The following KATNA1 variants were observed in gnomAD, a reference collection of about 807,000 sequenced individuals.
KATNA1 encodes katanin catalytic subunit A1, also known as katanin p60 ATPase-containing subunit A1.
Under a neutral mutation model 62.6 loss-of-function variants are expected in KATNA1, and 42 were observed. The observed-to-expected ratio is 0.67, with a 90% CI of 0.52 to 0.87. The LOEUF is 0.87. Among genes scored for constraint, KATNA1 ranks in the 40% least tolerant of loss-of-function variants. The pLI, the probability that KATNA1 is intolerant of heterozygous loss-of-function variation, is 0.00. For synonymous variants in KATNA1, 186 were observed against 201.9 expected (o/e 0.92, Z 0.67); for missense variants, 498 against 612.5 (o/e 0.81, Z 1.97).
At chr6:149,636,706 T>G (rs926652305) in intron 2 of KATNA1, among the ~76,000 whole-genome samples, 5 of 151,780 alleles carry the variant, frequency 3.3e-5, no homozygotes, top group African/African-American at 1.2e-4. Context: ...AATGGTGCGA[T>G]CTCGGCTCAC....
At chr6:149,642,594 C>G (rs951822757) in intron 1 of KATNA1, among the ~76,000 whole-genome samples, 2 of 152,008 alleles carry the variant, frequency 1.3e-5, no homozygotes, top group African/African-American at 4.8e-5. Context: ...ATGTAGCAGA[C>G]AGAAGCAATG....
At chr6:149,643,081 C>T (rs919084032) in intron 1 of KATNA1, among the ~76,000 whole-genome samples, 1 of 152,202 alleles carries the variant, frequency 6.6e-6, no homozygotes, top group Non-Finnish European at 1.5e-5. Context: ...AAATGGAATA[C>T]CAGCTCCACA....
chr6:149,620,485 T>G (rs12193364), intron 4 of KATNA1, among the ~76,000 whole-genome samples: 68,867 of 151,706 alleles, frequency 0.45, 16,805 homozygotes, highest in East Asian at 0.81. Context: ...GTAGAGACAG[T>G]GTTTCACCAT....
In KATNA1 at chr6:149,623,058, CG is replaced by C; in HGVS notation, c.501+44del. The C allele has an allele frequency of 2.9e-6, 4 of 1,364,664 alleles. No individual in the cohort carries two copies. In the South Asian group the frequency reaches 5.6e-5, roughly 19 times the overall value. The allele number at this position is 1,364,664 out of a possible 1,614,324, so 84.5% of individuals were successfully genotyped here. A position where few individuals can be genotyped will look rare whatever the true frequency, so the allele number is the denominator to read the frequency against. On this transcript the variant is annotated intron_variant, in intron 4 of 10. Coordinates refer to ENST00000367411, the MANE Select transcript of KATNA1 (RefSeq NM_007044.4). ...TAAATTTGTACAGTCTTCATTTTTA[CG>C]GTTCAAAAATAACTTTCATTTATAA...
At chr6:149,627,172 C>A (rs1235929078) in intron 3 of KATNA1, among the ~76,000 whole-genome samples, 1 of 151,166 alleles carries the variant, frequency 6.6e-6, no homozygotes, top group Non-Finnish European at 1.5e-5. Context: ...GCAGGTGGAT[C>A]ATTTGAGGTC....
At chr6:149,627,615 G>A (rs114373721) in intron 3 of KATNA1, among the ~76,000 whole-genome samples, 1,575 of 151,460 alleles carry the variant, frequency 0.01, 47 homozygotes, top group African/African-American at 0.037. Context: ...CCCAGGAGGT[G>A]GAGGCTACAG....
At chr6:149,630,592 C>A (rs956532809) in intron 3 of KATNA1, among the ~76,000 whole-genome samples, 1 of 152,244 alleles carries the variant, frequency 6.6e-6, no homozygotes, top group East Asian at 1.9e-4. Flanking sequence ...AGCGCCACTG[C>A]ACTCCAGCCT....
intron 1 of KATNA1, among the ~76,000 whole-genome samples, chr6:149,646,166 A>G (rs1477174921): frequency 8.5e-5 from 13 of 152,178 alleles, no homozygotes; most frequent in African/African-American, 2.9e-4. Flanking sequence ...TGCACTGAAG[A>G]CAAAAATAAG....
intron 4 of KATNA1, among the ~76,000 whole-genome samples, chr6:149,606,308 TA>T (rs1778739481): frequency 6.6e-6 from 1 of 152,180 alleles, no homozygotes; most frequent in Non-Finnish European, 1.5e-5. Flanking sequence ...AGATGCTATA[TA>T]AAAATTACTA....
intron 4 of KATNA1, among the ~76,000 whole-genome samples, chr6:149,622,404 G>A (rs554638538): frequency 8.5e-5 from 13 of 152,138 alleles, no homozygotes; most frequent in Non-Finnish European, 1.5e-4. Flanking sequence ...GAAGGTTAAA[G>A]GAGCATTATA....
In KATNA1 at chr6:149,613,179, CAAAAAAAAAAAAAAAAA is replaced by C. The variant is rs71270309; in HGVS notation, c.502-8414_502-8398del. 0.019 allele frequency among the ~76,000 whole-genome samples: 240 copies of C among 12,566 alleles called. 4 individuals carry two copies. In the East Asian group the frequency reaches 0.26, roughly 13 times the overall value. 8.2% of individuals were successfully genotyped at this position (12,566 alleles called of 152,430 possible). A position where few individuals can be genotyped will look rare whatever the true frequency, so the allele number is the denominator to read the frequency against. Reference sequence around the variant, plus strand: ...TGGGCAACAGAGCGAGACTCTGTCTCAAAAAAAAAAAAAAAAAAAAAAAAAAAAAAAAAAAAAAGAAC... The same window carrying C: ...TGGGCAACAGAGCGAGACTCTGTCTCAAAAAAAAAAAAAAAAAAAAAGAAC... On this transcript the variant is annotated intron_variant, in intron 4 of 10. Transcript: ENST00000367411.
chr6:149,594,939 A>C lies in KATNA1; in HGVS notation c.*97T>G, dbSNP rs1778238756. 4.3e-6 allele frequency: 4 copies of C among 920,612 alleles called. No individual in the cohort carries two copies. Among genetic ancestry groups the C allele is most frequent in the Non-Finnish European group, 6.4e-6 (4 of 622,386 alleles). 57.0% of individuals were successfully genotyped at this position (920,612 alleles called of 1,614,324 possible). ...GTTTTTTTAAAAAAATCTTACCATT[A>C]TGAAAGTTAAAAAAAATATAGCACT... On this transcript the variant is annotated 3_prime_UTR_variant, in exon 11 of 11. Coordinates refer to ENST00000367411, the MANE Select transcript of KATNA1 (RefSeq NM_007044.4).
intron 7 of KATNA1, among the ~76,000 whole-genome samples, chr6:149,600,770 T>TA (rs386408910): frequency 0.054 from 5,855 of 108,298 alleles, 409 homozygotes; most frequent in African/African-American, 0.15. Context: ...ACCCCATCTG[T>TA]AAAAAAAAAA....
chr6:149,614,467 C>T (rs1427292196), intron 4 of KATNA1, among the ~76,000 whole-genome samples: 2 of 152,122 alleles, frequency 1.3e-5, no homozygotes, highest in African/African-American at 4.8e-5. Flanking sequence ...TAACCACACA[C>T]GGGAATTTTT....
intron 1 of KATNA1, among the ~76,000 whole-genome samples, chr6:149,639,709 T>C (rs994028802): frequency 6.6e-6 from 1 of 152,228 alleles, no homozygotes; most frequent in African/African-American, 2.4e-5. Flanking sequence ...TTTCCTAGTA[T>C]GTCTACCCCC....
chr6:149,622,193 C>T (rs887568264), intron 4 of KATNA1, among the ~76,000 whole-genome samples: 1 of 150,290 alleles, frequency 6.7e-6, no homozygotes. Context: ...AGTGCGGTGG[C>T]GCGGTCTCGG....
intron 3 of KATNA1, among the ~76,000 whole-genome samples, chr6:149,626,325 C>T (rs1285132670): frequency 1.3e-5 from 1 of 75,322 alleles, no homozygotes; most frequent in Non-Finnish European, 2.2e-5. Flanking sequence ...GACGGAGTCT[C>T]GTTCTGTCGC....
rs1223651674 is a variant in KATNA1 at position 149,620,301 on chromosome 6, A to G, written c.501+2802T>C. Reference sequence around the variant, plus strand: ...CTATAGGGTGACTGTAATGACTATTATTTTTTAATTTTTTTGAGACAGAGT... The same window carrying G: ...CTATAGGGTGACTGTAATGACTATTGTTTTTTAATTTTTTTGAGACAGAGT... On this transcript the variant is annotated intron_variant, in intron 4 of 10. Coordinates refer to ENST00000367411, the MANE Select transcript of KATNA1 (RefSeq NM_007044.4). 3.3e-5 allele frequency among the ~76,000 whole-genome samples: 5 copies of G among 152,018 alleles called. No homozygotes were observed. The East Asian group carries it at 7.7e-4, about 23-fold the overall frequency.
intron 2 of KATNA1, among the ~76,000 whole-genome samples, chr6:149,636,816 T>C (rs559370454): frequency 7.2e-5 from 11 of 152,056 alleles, no homozygotes; most frequent in African/African-American, 2.4e-4. Flanking sequence ...AATTTTTTTG[T>C]ATTTTAGTAG....
Sources: allele counts gnomAD v4.1 joint callset (sites outside exome capture counted in the v4.1 genomes callset), GRCh38; gene constraint gnomAD v4.1.1; transcripts MANE v1.5; gene names NCBI Gene and HGNC (gene_info 2026-07-23, HGNC 2026-07-21).